SOS1: variants seen among roughly 807,000 people sequenced by gnomAD.
SOS1 encodes SOS Ras/Rac guanine nucleotide exchange factor 1.
SOS1 carries 25 observed loss-of-function variants against 157.6 expected under a neutral mutation model. The observed-to-expected ratio is 0.16, with a 90% confidence interval of 0.12 to 0.22. The LOEUF (loss-of-function observed/expected upper bound fraction) is 0.22, where lower values mean the gene tolerates loss of function less well. SOS1 is among the 10% of genes least tolerant of loss of function. The probability of loss-of-function intolerance (pLI) is 1.00; values close to 1 mark genes in which losing one functional copy is unlikely to be tolerated. For synonymous variants in SOS1, 528 were observed against 534.0 expected, an observed-to-expected ratio of 0.99 and a Z score of 0.16; for missense variants, 1,237 against 1,599.1, an observed-to-expected ratio of 0.77 and a Z score of 3.86.
At chr2:38,991,532 GTCTTTTC>G (rs1245536098) in intron 20 of SOS1, among the ~76,000 whole-genome samples, 2 of 152,186 alleles carry the variant, frequency 1.3e-5, no homozygotes, top group African/African-American at 2.4e-5. Context: ...TGAGCCAGTG[GTCTTTTC>G]TCTTTTCTCA....
chr2:39,018,632 T>C (rs1343285512), intron 10 of SOS1, among the ~76,000 whole-genome samples: 1 of 151,794 alleles, frequency 6.6e-6, no homozygotes, highest in African/African-American at 2.4e-5. Context: ...CCAATCCTTT[T>C]TCCTTATGTG....
At chr2:39,107,930 A>G (rs1012082958) in intron 1 of SOS1, among the ~76,000 whole-genome samples, 4 of 152,148 alleles carry the variant, frequency 2.6e-5, no homozygotes, top group African/African-American at 9.7e-5. Flanking sequence ...ACAGTCCATC[A>G]AACAGGCCTT....
Position 38,984,049 on chromosome 2 carries a change from T to C in SOS1, c.*1775A>G, listed in dbSNP as rs982612850. 3 of 152,198 alleles carry C rather than the reference T, an allele frequency of 2.0e-5. No individual in the cohort carries two copies. The highest frequency in any genetic ancestry group is 7.2e-5 in the African/African-American group (3 of 41,450). The allele number at this position is 152,198 out of a possible 1,614,324, so 9.4% of individuals were successfully genotyped here. On this transcript the variant is annotated 3_prime_UTR_variant, in exon 23 of 23. Coordinates refer to ENST00000402219, the MANE Select transcript of SOS1 (RefSeq NM_005633.4). ...TCTTAAAGGACTACATACTGTACTATCGTGATGTACATTTTATGCTCTAAT... is the reference window on the plus strand; with the variant it reads ...TCTTAAAGGACTACATACTGTACTACCGTGATGTACATTTTATGCTCTAAT...
At chr2:39,073,665 T>G (rs983163769) in intron 1 of SOS1, among the ~76,000 whole-genome samples, 23 of 152,224 alleles carry the variant, frequency 1.5e-4, no homozygotes, top group African/African-American at 5.1e-4. Context: ...CCAGGTTTTG[T>G]GGAGTCTGAA....
At chr2:39,100,754 A>G (rs1377016048) in intron 1 of SOS1, among the ~76,000 whole-genome samples, 3 of 152,126 alleles carry the variant, frequency 2.0e-5, no homozygotes, top group African/African-American at 4.8e-5. Context: ...TGTCTCTACA[A>G]AAAATTTAAA....
intron 1 of SOS1, among the ~76,000 whole-genome samples, chr2:39,111,084 T>C (rs1209615968): frequency 6.6e-6 from 1 of 152,106 alleles, no homozygotes; most frequent in African/African-American, 2.4e-5. Context: ...AATACAAAAA[T>C]TATCCAGGTG....
chr2:39,031,538 T>A (rs1298529169), intron 8 of SOS1, among the ~76,000 whole-genome samples: 1 of 152,128 alleles, frequency 6.6e-6, no homozygotes, highest in Non-Finnish European at 1.5e-5. Flanking sequence ...GTGACCAGCC[T>A]GGCCAACATG....
chr2:39,105,602 A>G (rs1673140804), intron 1 of SOS1, among the ~76,000 whole-genome samples: 1 of 152,188 alleles, frequency 6.6e-6, no homozygotes, highest in South Asian at 2.1e-4. Context: ...TTTGGTAAAT[A>G]AAATCAAACC....
At chr2:39,124,048 G>C (rs959603277), upstream of SOS1, 1 of 152,366 alleles carries the variant, frequency 6.6e-6, no homozygotes, top group Admixed American at 6.5e-5. Context: ...GGTAACTGGA[G>C]AGAAACTGCA....
At chr2:39,070,054 T>G (rs1671744927) in intron 1 of SOS1, among the ~76,000 whole-genome samples, 1 of 152,184 alleles carries the variant, frequency 6.6e-6, no homozygotes, top group Admixed American at 6.6e-5. Context: ...GAATTCATAA[T>G]TCTGAGTTCT....
At chr2:38,992,477 G>C (rs1361903870) in intron 20 of SOS1, 1 of 152,154 alleles carries the variant, frequency 6.6e-6, no homozygotes, top group Non-Finnish European at 1.5e-5. Flanking sequence ...GTGAAATACT[G>C]TTAACTTAAT....
chr2:39,014,088 A>G, intron 11 of SOS1, 99 bp from the exon 12 acceptor site: 1 of 841,918 alleles, frequency 1.2e-6, no homozygotes, highest in Non-Finnish European at 1.9e-6. Context: ...AATCAAGAGA[A>G]TACTGTAAAA....
rs201235910 is a variant in SOS1 at position 39,012,245 on chromosome 2, T to C, written c.2271A>G (p.Ser757=). The part of the protein sequence containing the change: ...GPGHNITFQS[S]PPTVEWHISR... ...TTATATGCCACTCAACTGTGGGAGG[T>C]GAACTCTGAAATGTAATATTATGAC... The change falls in exon 14 of 23, where the codon TCA becomes TCG. Residue 757 remains serine (S), a synonymous_variant. Transcript: ENST00000402219. The C allele has an allele frequency of 2.5e-6, 4 of 1,613,442 alleles. No individual in the cohort carries two copies. Among genetic ancestry groups the C allele is most frequent in the Non-Finnish European group, 3.4e-6 (4 of 1,179,516 alleles).
chr2:39,051,056 CTT>C, intron 6 of SOS1, 86 bp downstream of exon 6: 1 of 1,215,550 alleles, frequency 8.2e-7, no homozygotes, highest in Non-Finnish European at 1.2e-6. Context: ...GTATCTATGA[CTT>C]TAGCTGGAAA....
At chr2:39,112,099 T>C (rs928230368) in intron 1 of SOS1, among the ~76,000 whole-genome samples, 3 of 152,222 alleles carry the variant, frequency 2.0e-5, no homozygotes, top group East Asian at 1.9e-4. Context: ...TTTGAATCCA[T>C]GGAGCCCTAA....
intron 6 of SOS1, among the ~76,000 whole-genome samples, chr2:39,043,631 G>A (rs972097416): frequency 1.3e-5 from 2 of 152,200 alleles, no homozygotes; most frequent in African/African-American, 2.4e-5. Context: ...AGACAGGCAG[G>A]TGCATCTGGT....
chr2:39,062,704 A>G (rs1406575432), intron 2 of SOS1, among the ~76,000 whole-genome samples: 1 of 151,946 alleles, frequency 6.6e-6, no homozygotes, highest in African/African-American at 2.4e-5. Flanking sequence ...AAGGGAAGGA[A>G]CAACAAAGGA....
At chr2:39,079,168 T>C (rs865849986) in intron 1 of SOS1, among the ~76,000 whole-genome samples, 15 of 1,232 alleles carry the variant, frequency 0.012, 1 homozygote, top group African/African-American at 0.069. Context: ...TACATTGCAG[T>C]AGATTTAGAA....
chr2:39,024,461 T>C (rs1387738984), intron 8 of SOS1, among the ~76,000 whole-genome samples: 1 of 151,768 alleles, frequency 6.6e-6, no homozygotes, highest in East Asian at 1.9e-4. Context: ...AGAGTTAGCA[T>C]ACCACTAAGC....
Sources: allele counts gnomAD v4.1 joint callset (sites outside exome capture counted in the v4.1 genomes callset), GRCh38; gene constraint gnomAD v4.1.1; transcripts MANE v1.5; gene names NCBI Gene and HGNC (gene_info 2026-07-23, HGNC 2026-07-21).